The following TACC2 variants were observed in gnomAD, a reference collection of about 807,000 sequenced individuals.
TACC2 encodes transforming acidic coiled-coil-containing protein 2.
In TACC2, 137 loss-of-function variants were observed where a neutral mutation model predicts 227.3. The ratio of observed to expected loss-of-function variants is 0.60; its 90% CI spans 0.52 to 0.69. The LOEUF is 0.69. Among genes scored for constraint, TACC2 ranks in the 30% least tolerant of loss-of-function variants. The pLI is 0.00. For missense variants in TACC2, 3,470 were observed against 3,694.4 expected, an observed-to-expected ratio of 0.94 and a Z score of 1.57; for synonymous variants, 1,523 against 1,487.5, an observed-to-expected ratio of 1.02 and a Z score of -0.55.
chr10:122,190,782 G>A (rs191933782), intron 7 of TACC2, among the ~76,000 whole-genome samples: 1 of 152,156 alleles, frequency 6.6e-6, no homozygotes, highest in Non-Finnish European at 1.5e-5. Flanking sequence ...ACGGGCATCC[G>A]GCTACCTCAT....
At chr10:122,144,381 G>A (rs2091092432) in intron 7 of TACC2, among the ~76,000 whole-genome samples, 1 of 152,216 alleles carries the variant, frequency 6.6e-6, no homozygotes, top group Non-Finnish European at 1.5e-5. Flanking sequence ...ATTAGAGCAA[G>A]TATTTGGAAC....
intron 7 of TACC2, among the ~76,000 whole-genome samples, chr10:122,155,899 G>A (rs547752388): frequency 9.0e-5 from 13 of 145,196 alleles, no homozygotes; most frequent in Admixed American, 1.4e-4. Flanking sequence ...GTGCAGTGGC[G>A]CAATCTTGGC....
rs938270877 is a variant in TACC2, at chr10:122,194,888, G to A, written c.5835-152G>A. 6 of 681,310 alleles carry A rather than the reference G, an allele frequency of 8.8e-6. No individual in the cohort carries two copies. Among genetic ancestry groups the A allele is most frequent in the African/African-American group, 3.6e-5 (2 of 56,312 alleles). The allele number at this position is 681,310 out of a possible 1,614,324, so 42.2% of individuals were successfully genotyped here. ...GATAAGATTCAACCTTAGGAATCAC[G>A]ACTGAGAAAATGACTTTCCTCTCAT... On this transcript the variant is annotated intron_variant, in intron 7 of 22. Transcript: ENST00000369005. The surrounding 1 kb of genome is among the most constrained non-coding windows in gnomAD (Gnocchi z 4.4).
At chr10:122,111,615 C>T (rs185295413) in intron 5 of TACC2, among the ~76,000 whole-genome samples, 33 of 152,030 alleles carry the variant, frequency 2.2e-4, no homozygotes, top group Admixed American at 1.9e-3. Context: ...CTCAGCCTCC[C>T]GAGTAGCTGG....
chr10:122,104,660 C>T (rs1320507915), intron 5 of TACC2, among the ~76,000 whole-genome samples: 1 of 152,116 alleles, frequency 6.6e-6, no homozygotes, highest in Non-Finnish European at 1.5e-5. Flanking sequence ...AGTGAGCCAC[C>T]AGGCTCAGCT....
At chr10:122,240,996 A>C (rs757658448) in intron 18 of TACC2, among the ~76,000 whole-genome samples, 1 of 152,198 alleles carries the variant, frequency 6.6e-6, no homozygotes, top group Non-Finnish European at 1.5e-5. Flanking sequence ...GCTTTGGAAG[A>C]AGATGCGGAT....
rs1264682400 is a variant in TACC2 at position 122,210,377 on chromosome 10, C to T, written c.5972-20C>T. Reference sequence around the variant, plus strand: ...TGCGTCCTGTGTCTGTAATTGATGGCGTTGTCTGTGTTTCCCCAGGATGTG... The same window carrying T: ...TGCGTCCTGTGTCTGTAATTGATGGTGTTGTCTGTGTTTCCCCAGGATGTG... On this transcript the variant is annotated intron_variant, in intron 8 of 22. Transcript: ENST00000369005. This position sits in a 1 kb window ranked among gnomAD's most constrained non-coding sequence, Gnocchi z 4.6. 5.1e-6 allele frequency: 8 copies of T among 1,580,760 alleles called. No homozygotes were observed. The highest frequency in any genetic ancestry group is 5.0e-5 in the Admixed American group (3 of 59,956).
At chr10:122,016,218 T>A (rs1331424464) in intron 1 of TACC2, among the ~76,000 whole-genome samples, 2 of 138,566 alleles carry the variant, frequency 1.4e-5, no homozygotes, top group Non-Finnish European at 3.0e-5. Flanking sequence ...GCCATGATCG[T>A]GCCACTGCAC....
chr10:122,117,191 CTTTTT>C (rs71482688), intron 5 of TACC2, among the ~76,000 whole-genome samples: 2 of 129,816 alleles, frequency 1.5e-5, no homozygotes, highest in Non-Finnish European at 3.2e-5. Flanking sequence ...TCTTAGAAAT[CTTTTT>C]TTTTTTTTTT....
chr10:122,092,261 C>G lies in TACC2; in HGVS notation c.5573+3670C>G, dbSNP rs189974897. Among the ~76,000 whole-genome samples the G allele has an allele frequency of 2.6e-5, 4 of 152,286 alleles. No individual in the cohort carries two copies. The East Asian group carries it at 7.7e-4, about 29-fold the overall frequency. ...GTGAATTCTTTTTTACCCCCTACTGCACAGCCCAGAGTGATCTGCTACAAG... is the reference window on the plus strand; with the variant it reads ...GTGAATTCTTTTTTACCCCCTACTGGACAGCCCAGAGTGATCTGCTACAAG... On this transcript the variant is annotated intron_variant, in intron 5 of 22. Coordinates refer to ENST00000369005, the MANE Select transcript of TACC2 (RefSeq NM_206862.4).
chr10:122,061,423 C>T (rs1350635163), intron 3 of TACC2, among the ~76,000 whole-genome samples: 1 of 152,194 alleles, frequency 6.6e-6, no homozygotes, highest in African/African-American at 2.4e-5. Flanking sequence ...CCGAGTTCCA[C>T]GGCCACAGAC....
Position 122,172,325 on chromosome 10 carries a change from CTGT to C in TACC2, c.5835-22709_5835-22707del, listed in dbSNP as rs1384393199. ...AGAATCAGGCAGGGGAGGGCACAGCCTGTTGTTGCTGCCCACCCAGGAGGAGCT... is the reference window on the plus strand; with the variant it reads ...AGAATCAGGCAGGGGAGGGCACAGCCTGTTGCTGCCCACCCAGGAGGAGCT... On this transcript the variant is annotated intron_variant, in intron 7 of 22. Coordinates refer to ENST00000369005, the MANE Select transcript of TACC2 (RefSeq NM_206862.4). Among the ~76,000 whole-genome samples, 19 of 152,256 alleles carry C rather than the reference CTGT, an allele frequency of 1.2e-4. No homozygotes were observed. In the East Asian group the frequency reaches 3.7e-3, roughly 30 times the overall value.
rs569173071 is a variant in TACC2, at chr10:122,160,122, T to C, written c.5834+16416T>C. 6.6e-5 allele frequency among the ~76,000 whole-genome samples: 10 copies of C among 152,352 alleles called. No homozygotes were observed. In the South Asian group the frequency reaches 1.7e-3, roughly 25 times the overall value. On this transcript the variant is annotated intron_variant, in intron 7 of 22. Transcript: ENST00000369005. ...GTGAGAATAAGCTGGTTTCCACTTA[T>C]AGGCCAGGCACATAATAGGTGCATT...
intron 11 of TACC2, among the ~76,000 whole-genome samples, chr10:122,219,306 C>T (rs1418576962): frequency 2.6e-5 from 4 of 151,982 alleles, no homozygotes; most frequent in African/African-American, 9.7e-5. Flanking sequence ...GAATTCCGCT[C>T]CTGGCTCTGC....
intron 5 of TACC2, among the ~76,000 whole-genome samples, chr10:122,127,791 CAG>C (rs945038379): frequency 2.0e-5 from 3 of 152,176 alleles, no homozygotes; most frequent in Non-Finnish European, 4.4e-5. Context: ...GTTACAAAGT[CAG>C]AAAGGGCCCG....
chr10:122,008,933 C>A (rs1031995645), intron 1 of TACC2, among the ~76,000 whole-genome samples: 4 of 152,212 alleles, frequency 2.6e-5, no homozygotes, highest in African/African-American at 9.6e-5. Flanking sequence ...CCTGCTGTGA[C>A]CTGCTCAGAC....
At chr10:122,064,147 G>A (rs2077142048) in intron 3 of TACC2, among the ~76,000 whole-genome samples, 1 of 152,040 alleles carries the variant, frequency 6.6e-6, no homozygotes, top group Non-Finnish European at 1.5e-5. Context: ...GGGTGACAGA[G>A]CGAGACTCTG....
chr10:122,072,072 G>A (rs915022214), intron 3 of TACC2, among the ~76,000 whole-genome samples: 5 of 147,748 alleles, frequency 3.4e-5, no homozygotes, highest in Admixed American at 2.7e-4. Flanking sequence ...TCCTCCTCTC[G>A]GGTTCACACC....
chr10:122,076,554 G>C (rs1164049626), intron 3 of TACC2, among the ~76,000 whole-genome samples: 1 of 152,122 alleles, frequency 6.6e-6, no homozygotes, highest in Non-Finnish European at 1.5e-5. Context: ...TTGAATTATA[G>C]TAATTTATGA....
Sources: allele counts gnomAD v4.1 joint callset (sites outside exome capture counted in the v4.1 genomes callset), GRCh38; gene constraint gnomAD v4.1.1; non-coding constraint Gnocchi (gnomAD v3.1); transcripts MANE v1.5; gene names NCBI Gene and HGNC (gene_info 2026-07-23, HGNC 2026-07-21).